The following MED13L variants were observed in gnomAD, a reference collection of about 807,000 sequenced individuals.
MED13L encodes mediator complex subunit 13L.
In MED13L, 7 loss-of-function variants were observed where a neutral mutation model predicts 220.9. The ratio of observed to expected loss-of-function variants is 0.03; its 90% CI spans 0.02 to 0.06. The LOEUF (loss-of-function observed/expected upper bound fraction) is 0.06. Ranked by LOEUF, MED13L falls within the 10% of genes least tolerant of loss-of-function variation. MED13L has a pLI of 1.00. For missense variants in MED13L, 1,965 were observed against 2,760.5 expected, an observed-to-expected ratio of 0.71 and a Z score of 6.46; for synonymous variants, 1,011 against 1,015.2, an observed-to-expected ratio of 1.00 and a Z score of 0.08.
At chr12:116,269,519 CA>C (rs1484948099) in intron 1 of MED13L, among the ~76,000 whole-genome samples, 2 of 143,334 alleles carry the variant, frequency 1.4e-5, no homozygotes, top group East Asian at 4.2e-4. Context: ...GCACTCAACT[CA>C]AGAGGATCCT....
At chr12:115,978,338 T>C (rs1877096384) in intron 23 of MED13L, among the ~76,000 whole-genome samples, 1 of 150,022 alleles carries the variant, frequency 6.7e-6, no homozygotes, top group African/African-American at 2.5e-5. Flanking sequence ...TTTTTTTTTT[T>C]TTTTTGGAGA....
intron 23 of MED13L, among the ~76,000 whole-genome samples, chr12:115,979,106 C>A (rs1877152368): frequency 6.6e-6 from 1 of 152,184 alleles, no homozygotes; most frequent in Non-Finnish European, 1.5e-5. Context: ...ACCAACTAAC[C>A]ATTACCTTAA....
chr12:116,051,927 A>C (rs1868541751), intron 4 of MED13L, among the ~76,000 whole-genome samples: 1 of 152,204 alleles, frequency 6.6e-6, no homozygotes, highest in African/African-American at 2.4e-5. Flanking sequence ...AAACATAGCC[A>C]AATTTCCAGC....
chr12:116,221,347 T>C (rs1480521628), intron 2 of MED13L, among the ~76,000 whole-genome samples: 3 of 150,792 alleles, frequency 2.0e-5, no homozygotes, highest in Admixed American at 6.6e-5. Flanking sequence ...GCACTACAGC[T>C]TGGGTGACAG....
intron 2 of MED13L, among the ~76,000 whole-genome samples, chr12:116,220,423 A>G (rs919159003): frequency 6.6e-6 from 1 of 152,100 alleles, no homozygotes; most frequent in African/African-American, 2.4e-5. Flanking sequence ...ATAGGGCCGG[A>G]CGTGGTGACT....
intron 2 of MED13L, among the ~76,000 whole-genome samples, chr12:116,176,560 T>A (rs1173853819): frequency 6.6e-6 from 1 of 151,980 alleles, no homozygotes; most frequent in African/African-American, 2.4e-5. Context: ...GTAGTCTCAG[T>A]AGGTTAGCAA....
intron 4 of MED13L, among the ~76,000 whole-genome samples, chr12:116,067,901 T>C (rs1870073777): frequency 6.6e-6 from 1 of 152,224 alleles, no homozygotes; most frequent in African/African-American, 2.4e-5. Flanking sequence ...AAAGAGATTA[T>C]TCATGGCAAC....
intron 1 of MED13L, among the ~76,000 whole-genome samples, chr12:116,270,857 A>G (rs1289524801): frequency 6.6e-6 from 1 of 151,814 alleles, no homozygotes; most frequent in Non-Finnish European, 1.5e-5. Flanking sequence ...CCTGGCCAAC[A>G]TGGTGAAACC....
intron 1 of MED13L, among the ~76,000 whole-genome samples, chr12:116,261,370 G>A (rs1048863114): frequency 6.6e-6 from 1 of 151,906 alleles, no homozygotes; most frequent in South Asian, 2.1e-4. Context: ...GGTCATGGGT[G>A]CCTGTAGTCC....
intron 13 of MED13L, among the ~76,000 whole-genome samples, chr12:116,003,620 T>C (rs564289964): frequency 6.6e-6 from 1 of 152,310 alleles, no homozygotes; most frequent in African/African-American, 2.4e-5. Context: ...TCAGAAGGTT[T>C]TTCTCTGATC....
chr12:115,992,312 TG>T (rs1295483578), intron 16 of MED13L, among the ~76,000 whole-genome samples: 1 of 152,146 alleles, frequency 6.6e-6, no homozygotes, highest in Non-Finnish European at 1.5e-5. Context: ...AACTACTAAA[TG>T]GAACTTCAAC....
At chr12:116,193,616 G>A (rs200448844) in intron 2 of MED13L, among the ~76,000 whole-genome samples, 38 of 149,006 alleles carry the variant, frequency 2.6e-4, no homozygotes, top group Non-Finnish European at 1.8e-4. Flanking sequence ...AAATCTCTCA[G>A]AAAAAAAAAA....
intron 2 of MED13L, among the ~76,000 whole-genome samples, chr12:116,150,378 GAAGGC>G (rs1877942482): frequency 6.6e-6 from 1 of 152,176 alleles, no homozygotes; most frequent in Non-Finnish European, 1.5e-5. Flanking sequence ...GCAAATCCAA[GAAGGC>G]AAAAAATAAG....
intron 14 of MED13L, among the ~76,000 whole-genome samples, chr12:115,998,108 C>G (rs1309529177): frequency 6.6e-6 from 1 of 152,038 alleles, no homozygotes; most frequent in East Asian, 1.9e-4. Context: ...CTTAGAACAG[C>G]GGTTCTGAAC....
chr12:116,221,768 A>G (rs1184370014), intron 2 of MED13L, among the ~76,000 whole-genome samples: 1 of 152,230 alleles, frequency 6.6e-6, no homozygotes, highest in African/African-American at 2.4e-5. Flanking sequence ...TACTAATAAA[A>G]AGTTTAAAAA....
chr12:116,109,992 A>G (rs1358345419), intron 3 of MED13L: 1 of 152,196 alleles, frequency 6.6e-6, no homozygotes, highest in Non-Finnish European at 1.5e-5. Context: ...TAACCACCCT[A>G]GCCAATAGTT....
intron 16 of MED13L, among the ~76,000 whole-genome samples, chr12:115,995,457 T>C (rs1878338130): frequency 6.6e-6 from 1 of 152,210 alleles, no homozygotes; most frequent in Admixed American, 6.5e-5. Context: ...AGGGTCTTGC[T>C]CTGTCGACCA....
chr12:116,251,278 A>T (rs1263774118), intron 1 of MED13L, among the ~76,000 whole-genome samples: 2 of 146,270 alleles, frequency 1.4e-5, no homozygotes, highest in Admixed American at 6.8e-5. Context: ...AAATCTTACA[A>T]TTAGAAGGCA....
At chr12:116,268,092 T>A (rs993096483) in intron 1 of MED13L, among the ~76,000 whole-genome samples, 3 of 152,208 alleles carry the variant, frequency 2.0e-5, no homozygotes, top group Non-Finnish European at 4.4e-5. Context: ...TTCCATCACT[T>A]AACAGATAGT....
Sources: allele counts gnomAD v4.1 joint callset (sites outside exome capture counted in the v4.1 genomes callset), GRCh38; gene constraint gnomAD v4.1.1; transcripts MANE v1.5; gene names NCBI Gene and HGNC (gene_info 2026-07-23, HGNC 2026-07-21).